SSBP2: variants seen among roughly 807,000 people sequenced by gnomAD.
SSBP2 encodes the protein single stranded DNA binding protein 2, also known as single-stranded DNA-binding protein 2.
A neutral mutation model predicts 61.8 loss-of-function variants in SSBP2; 17 were observed. The observed-to-expected ratio is 0.28, with a 90% CI of 0.19 to 0.41. The LOEUF (loss-of-function observed/expected upper bound fraction) is 0.41, where lower values mean the gene tolerates loss of function less well. SSBP2 is among the 10% of genes least tolerant of loss of function. The pLI is 1.00. For synonymous variants in SSBP2, 139 were observed against 141.3 expected (o/e 0.98, Z 0.12); for missense variants, 310 against 458.7 (o/e 0.68, Z 2.96).
chr5:81,661,499 C>G (rs1022832373), intron 1 of SSBP2, among the ~76,000 whole-genome samples: 2 of 143,998 alleles, frequency 1.4e-5, no homozygotes, highest in African/African-American at 5.5e-5. Context: ...CATCCACATC[C>G]TCAATAACAC....
At chr5:81,457,601 C>A (rs920048787) in intron 10 of SSBP2, among the ~76,000 whole-genome samples, 1 of 152,012 alleles carries the variant, frequency 6.6e-6, no homozygotes, top group African/African-American at 2.4e-5. Context: ...TCAAAATTAA[C>A]ATCAACAATA....
intron 5 of SSBP2, among the ~76,000 whole-genome samples, chr5:81,493,251 C>T (rs1580825501): frequency 6.9e-6 from 1 of 145,520 alleles, no homozygotes; most frequent in Admixed American, 6.9e-5. Context: ...ATGAACAAAA[C>T]AGATAGATAG....
chr5:81,422,199 G>A (rs1055455505), intron 16 of SSBP2, among the ~76,000 whole-genome samples: 8 of 152,116 alleles, frequency 5.3e-5, no homozygotes, highest in African/African-American at 1.9e-4. Flanking sequence ...CTGGGTAGGC[G>A]AGCACGAACT....
intron 7 of SSBP2, 101 bp from the exon 8 acceptor site, chr5:81,473,871 G>A: frequency 9.4e-7 from 1 of 1,068,312 alleles, no homozygotes; most frequent in East Asian, 2.4e-5. Context: ...CATTTACCAA[G>A]AGTCTGAGTA....
At chr5:81,493,689 G>A (rs777869287) in intron 5 of SSBP2, among the ~76,000 whole-genome samples, 7 of 152,048 alleles carry the variant, frequency 4.6e-5, no homozygotes, top group Non-Finnish European at 7.4e-5. Flanking sequence ...CTGGGAGGCC[G>A]GGGTTGCAGT....
chr5:81,750,958 G>A, intron 1 of SSBP2, 23 bp downstream of exon 1: 1 of 1,580,048 alleles, frequency 6.3e-7, no homozygotes, highest in Non-Finnish European at 8.6e-7. Context: ...AGGCGGAGGT[G>A]GGTGAGAAGC....
intron 8 of SSBP2, among the ~76,000 whole-genome samples, chr5:81,467,436 C>T (rs1352947150): frequency 1.3e-5 from 2 of 151,828 alleles, no homozygotes; most frequent in Non-Finnish European, 2.9e-5. Flanking sequence ...AGCACAATGA[C>T]ATAAAGTCCG....
intron 13 of SSBP2, among the ~76,000 whole-genome samples, chr5:81,441,919 A>G (rs1763065736): frequency 6.6e-6 from 1 of 152,206 alleles, no homozygotes; most frequent in Non-Finnish European, 1.5e-5. Context: ...TAGGCCTAGT[A>G]GCCTGTGAAC....
intron 4 of SSBP2, among the ~76,000 whole-genome samples, chr5:81,551,408 T>A (rs1458585167): frequency 6.6e-6 from 1 of 152,128 alleles, no homozygotes; most frequent in Admixed American, 6.5e-5. Context: ...ACCTTAGGTA[T>A]CCATTTTTGG....
intron 1 of SSBP2, among the ~76,000 whole-genome samples, chr5:81,651,227 A>G (rs1749700437): frequency 6.6e-6 from 1 of 152,192 alleles, no homozygotes; most frequent in African/African-American, 2.4e-5. Context: ...CCAATATTGA[A>G]CCAGGTTTAC....
intron 4 of SSBP2, among the ~76,000 whole-genome samples, chr5:81,537,673 C>T (rs186570004): frequency 6.6e-6 from 1 of 152,064 alleles, no homozygotes; most frequent in Non-Finnish European, 1.5e-5. Flanking sequence ...ATATCTGTTA[C>T]GATTATCTGT....
intron 8 of SSBP2, among the ~76,000 whole-genome samples, chr5:81,469,766 A>C (rs1377514362): frequency 1.3e-5 from 2 of 151,988 alleles, no homozygotes; most frequent in Non-Finnish European, 2.9e-5. Flanking sequence ...TTAGTGAATA[A>C]TCTAAAGCAA....
intron 4 of SSBP2, among the ~76,000 whole-genome samples, chr5:81,603,762 A>C (rs889123851): frequency 6.6e-6 from 1 of 152,218 alleles, no homozygotes; most frequent in African/African-American, 2.4e-5. Context: ...CTTACGATGA[A>C]TTATCTGAAT....
chr5:81,529,126 G>A (rs964338890), intron 4 of SSBP2, among the ~76,000 whole-genome samples: 3 of 151,804 alleles, frequency 2.0e-5, no homozygotes, highest in Non-Finnish European at 2.9e-5. Context: ...TGGTAGTACC[G>A]AAAAAGAAAG....
chr5:81,417,724 T>C lies in SSBP2; in HGVS notation c.*2780A>G, dbSNP rs1030165253. ...AGTGCATGAAAGAATTATCTGGATA[T>C]AAAAATCAAGTATCCTTACATTCTG... On this transcript the variant is annotated 3_prime_UTR_variant, in exon 17 of 17. Coordinates refer to ENST00000320672, the MANE Select transcript of SSBP2 (RefSeq NM_012446.5). The C allele has an allele frequency of 6.6e-6, 1 of 152,220 alleles. No homozygotes were observed. Among genetic ancestry groups the C allele is most frequent in the Non-Finnish European group, 1.5e-5 (1 of 68,034 alleles). 9.4% of individuals were successfully genotyped at this position (152,220 alleles called of 1,614,324 possible).
chr5:81,543,632 A>T (rs965803197), intron 4 of SSBP2, among the ~76,000 whole-genome samples: 5 of 152,194 alleles, frequency 3.3e-5, no homozygotes, highest in Admixed American at 6.5e-5. Context: ...ACAAACCTAC[A>T]TATATGTATC....
chr5:81,638,270 A>G (rs1748434180), intron 2 of SSBP2, among the ~76,000 whole-genome samples: 1 of 152,150 alleles, frequency 6.6e-6, no homozygotes, highest in African/African-American at 2.4e-5. Flanking sequence ...AAATTTGAAA[A>G]AAAAGGATCC....
At chr5:81,556,841 T>C (rs1772645216) in intron 4 of SSBP2, among the ~76,000 whole-genome samples, 1 of 152,202 alleles carries the variant, frequency 6.6e-6, no homozygotes, top group African/African-American at 2.4e-5. Flanking sequence ...TTTTTCATTA[T>C]CATATAACAA....
intron 3 of SSBP2, among the ~76,000 whole-genome samples, chr5:81,620,388 A>C (rs1445392027): frequency 6.6e-6 from 1 of 150,714 alleles, no homozygotes; most frequent in Non-Finnish European, 1.5e-5. Flanking sequence ...CTAGGAATCC[A>C]ACTTACAAGG....
Sources: allele counts gnomAD v4.1 joint callset (sites outside exome capture counted in the v4.1 genomes callset), GRCh38; gene constraint gnomAD v4.1.1; transcripts MANE v1.5; gene names NCBI Gene and HGNC (gene_info 2026-07-23, HGNC 2026-07-21).